Variants in GRID1 observed in about 807,000 individuals in gnomAD.
The protein encoded by GRID1 is glutamate receptor ionotropic, delta-1.
A neutral mutation model predicts 98.0 loss-of-function variants in GRID1; 28 were observed. The ratio of observed to expected loss-of-function variants is 0.29; its 90% confidence interval spans 0.21 to 0.39. The LOEUF (loss-of-function observed/expected upper bound fraction) is 0.39. GRID1 is among the 10% of genes least tolerant of loss of function. The pLI, the probability that GRID1 is intolerant of heterozygous loss-of-function variation, is 1.00. For synonymous variants in GRID1, 553 were observed against 538.5 expected (o/e 1.03, Z -0.37); for missense variants, 1,111 against 1,340.5 (o/e 0.83, Z 2.67).
At chr10:85,667,378 C>T (rs993569540) in intron 12 of GRID1, among the ~76,000 whole-genome samples, 32 of 152,006 alleles carry the variant, frequency 2.1e-4, no homozygotes, top group African/African-American at 7.7e-4. Context: ...TTAGCCTACT[C>T]CCCTAGTAGG....
chr10:86,015,581 G>T (rs1225101107), intron 4 of GRID1, among the ~76,000 whole-genome samples: 5 of 152,216 alleles, frequency 3.3e-5, no homozygotes, highest in Admixed American at 6.5e-5. Flanking sequence ...GAAGTGGCAG[G>T]GCGAGTGGAA....
chr10:85,785,971 CCA>C (rs1842424925), intron 8 of GRID1, among the ~76,000 whole-genome samples: 1 of 151,558 alleles, frequency 6.6e-6, no homozygotes, highest in Non-Finnish European at 1.5e-5. Context: ...CATACCATAC[CCA>C]CACACTACAC....
chr10:85,741,619 G>A (rs1410551913), intron 8 of GRID1, among the ~76,000 whole-genome samples: 5 of 151,804 alleles, frequency 3.3e-5, no homozygotes, highest in Admixed American at 1.3e-4. Flanking sequence ...TCTTTTTTAT[G>A]CACTCCCTAT....
chr10:86,314,761 G>C (rs887438129), intron 2 of GRID1, among the ~76,000 whole-genome samples: 1 of 152,212 alleles, frequency 6.6e-6, no homozygotes, highest in Admixed American at 6.5e-5. Flanking sequence ...TGTGCCAGCT[G>C]TCCTAGCCCT....
chr10:86,201,310 T>G (rs775629727), intron 3 of GRID1, among the ~76,000 whole-genome samples: 2 of 152,188 alleles, frequency 1.3e-5, no homozygotes, highest in Admixed American at 6.5e-5. Context: ...CTCAGAAGCA[T>G]GCAGAAGTGT....
intron 2 of GRID1, among the ~76,000 whole-genome samples, chr10:86,300,753 C>T (rs1295231121): frequency 6.6e-6 from 1 of 152,066 alleles, no homozygotes; most frequent in Admixed American, 6.5e-5. Flanking sequence ...TGGCCTGGGA[C>T]TCCAAGCACA....
intron 2 of GRID1, among the ~76,000 whole-genome samples, chr10:86,278,293 G>C (rs980411648): frequency 2.0e-5 from 3 of 152,132 alleles, no homozygotes; most frequent in African/African-American, 7.2e-5. Flanking sequence ...AGTCAAAACT[G>C]TAAGAAGAGA....
At chr10:85,759,615 T>C (rs11814778) in intron 8 of GRID1, among the ~76,000 whole-genome samples, 18,260 of 152,216 alleles carry the variant, frequency 0.12, 1,265 homozygotes, top group Middle Eastern at 0.22. Flanking sequence ...GAAAATAATA[T>C]TTTTTTATAT....
chr10:86,294,731 G>A (rs564278867), intron 2 of GRID1, among the ~76,000 whole-genome samples: 2 of 152,366 alleles, frequency 1.3e-5, no homozygotes, highest in African/African-American at 4.8e-5. Flanking sequence ...GAGGCAAGCT[G>A]GCAGGACTGC....
chr10:85,923,839 T>C (rs1188548094), intron 4 of GRID1, among the ~76,000 whole-genome samples: 2 of 152,190 alleles, frequency 1.3e-5, no homozygotes, highest in Non-Finnish European at 2.9e-5. Context: ...GCGACAGTGA[T>C]AGTGGTGACT....
At chr10:85,901,889 A>C (rs945753969) in intron 5 of GRID1, among the ~76,000 whole-genome samples, 7 of 152,190 alleles carry the variant, frequency 4.6e-5, no homozygotes, top group African/African-American at 1.7e-4. Flanking sequence ...GCAACCATAA[A>C]TGTTAAATCT....
intron 4 of GRID1, among the ~76,000 whole-genome samples, chr10:86,134,893 T>C (rs945537121): frequency 2.0e-5 from 3 of 152,040 alleles, no homozygotes; most frequent in African/African-American, 7.2e-5. Context: ...CCATTACAGG[T>C]AAAAGGGTCT....
rs552796093 is a variant in GRID1, at chr10:86,063,824, TATAA to T, written c.726+74991_726+74994del. Among the ~76,000 whole-genome samples the T allele has an allele frequency of 2.8e-4, 43 of 152,326 alleles. No individual in the cohort carries two copies. The South Asian group carries it at 8.5e-3, about 30-fold the overall frequency. ...CAAACTCAACTCAGGGGCCTGTTTTTATAAATAAAGTTTTATTAAAGCACACCCA... is the reference window on the plus strand; with the variant it reads ...CAAACTCAACTCAGGGGCCTGTTTTTATAAAGTTTTATTAAAGCACACCCA... On this transcript the variant is annotated intron_variant, in intron 4 of 15. Coordinates refer to ENST00000327946, the MANE Select transcript of GRID1 (RefSeq NM_017551.3).
chr10:86,291,559 A>G (rs1847512524), intron 2 of GRID1, among the ~76,000 whole-genome samples: 1 of 152,170 alleles, frequency 6.6e-6, no homozygotes. Flanking sequence ...AGCACAGGCC[A>G]TCCACCTCCA....
At chr10:85,973,650 T>C (rs1036748471) in intron 4 of GRID1, among the ~76,000 whole-genome samples, 3 of 152,230 alleles carry the variant, frequency 2.0e-5, no homozygotes, top group African/African-American at 7.2e-5. Context: ...TTTCCAGTTT[T>C]ATTTTCTAAT....
chr10:86,183,212 A>C (rs776280108), intron 3 of GRID1, among the ~76,000 whole-genome samples: 25 of 152,152 alleles, frequency 1.6e-4, no homozygotes, highest in Admixed American at 4.6e-4. Flanking sequence ...GTAATCACAT[A>C]GTATATACTC....
intron 4 of GRID1, 81 bp downstream of exon 4, chr10:86,138,738 T>C (rs1844965705): frequency 8.8e-7 from 1 of 1,131,288 alleles, no homozygotes; most frequent in Admixed American, 1.8e-5. Context: ...GTAAGACGAC[T>C]GTGCCCTGCA....
At chr10:86,003,716 T>C (rs1158870441) in intron 4 of GRID1, among the ~76,000 whole-genome samples, 4 of 152,312 alleles carry the variant, frequency 2.6e-5, no homozygotes, top group East Asian at 3.9e-4. Flanking sequence ...TAAGAAGATA[T>C]TCAAACATCT....
At chr10:85,770,296 G>GA (rs1319574772) in intron 8 of GRID1, among the ~76,000 whole-genome samples, 18 of 152,090 alleles carry the variant, frequency 1.2e-4, no homozygotes, top group African/African-American at 4.1e-4. Flanking sequence ...CTAACAAACA[G>GA]AAAGGACATC....
Sources: allele counts gnomAD v4.1 joint callset (sites outside exome capture counted in the v4.1 genomes callset), GRCh38; gene constraint gnomAD v4.1.1; transcripts MANE v1.5; gene names NCBI Gene and HGNC (gene_info 2026-07-23, HGNC 2026-07-21).